The following NCK1 variants were observed in gnomAD, a reference collection of about 807,000 sequenced individuals.
The protein encoded by NCK1 is SH2/SH3 adapter protein NCK1.
A neutral mutation model predicts 36.6 loss-of-function variants in NCK1; 19 were observed. That is an observed-to-expected ratio of 0.52 (90% CI 0.36 to 0.76). The LOEUF (loss-of-function observed/expected upper bound fraction) is 0.76, where lower values mean the gene tolerates loss of function less well. NCK1 is among the 30% of genes least tolerant of loss of function. The probability of loss-of-function intolerance (pLI) is 0.00; values close to 1 mark genes in which losing one functional copy is unlikely to be tolerated. For missense variants in NCK1, 358 were observed against 445.6 expected, an observed-to-expected ratio of 0.80 and a Z score of 1.77; for synonymous variants, 165 against 156.0, an observed-to-expected ratio of 1.06 and a Z score of -0.43.
chr3:136,897,957 A>G (rs1219867746), intron 1 of NCK1, among the ~76,000 whole-genome samples: 1 of 152,208 alleles, frequency 6.6e-6, no homozygotes, highest in African/African-American at 2.4e-5. Flanking sequence ...AGGGATGACT[A>G]AATACTTGAC....
intron 1 of NCK1, among the ~76,000 whole-genome samples, chr3:136,884,306 C>G (rs1939018531): frequency 6.6e-6 from 1 of 152,076 alleles, no homozygotes; most frequent in Non-Finnish European, 1.5e-5. Flanking sequence ...TAGAGCTATC[C>G]CTTGTCATAT....
chr3:136,938,572 GC>G lies in NCK1; in HGVS notation c.227-7006del, dbSNP rs145557340. Among the ~76,000 whole-genome samples the G allele has an allele frequency of 2.0e-5, 3 of 152,158 alleles. No individual in the cohort carries two copies. The East Asian group carries it at 5.8e-4, about 29-fold the overall frequency. On this transcript the variant is annotated intron_variant, in intron 2 of 3. Transcript: ENST00000481752. ...GTTGATGATTTTGCTGTTTAAAATG[GC>G]CCCCAAGCATAGTGATGAAGTGTTG...
chr3:136,923,927 A>G (rs953147629), intron 1 of NCK1, among the ~76,000 whole-genome samples: 1 of 152,216 alleles, frequency 6.6e-6, no homozygotes, highest in African/African-American at 2.4e-5. Context: ...TATATATTCT[A>G]CCTTTTCTGT....
intron 1 of NCK1, among the ~76,000 whole-genome samples, chr3:136,912,875 C>A (rs563833590): frequency 7.3e-6 from 1 of 137,792 alleles, no homozygotes; most frequent in Non-Finnish European, 1.6e-5. Flanking sequence ...TGGTCTTGGT[C>A]TTGATATCCT....
intron 1 of NCK1, among the ~76,000 whole-genome samples, chr3:136,893,146 TAGTG>T (rs1444652995): frequency 3.7e-5 from 3 of 81,764 alleles, no homozygotes; most frequent in African/African-American, 1.4e-4. Flanking sequence ...TAATATTCCA[TAGTG>T]TGTGTGTGTG....
At position 136,928,223 on chromosome 3, in the gene NCK1, C is replaced by A. The variant is rs201444058; in HGVS notation, c.222C>A (p.Thr74=). The change falls in exon 2 of 4, where the codon ACC becomes ACA. Residue 74 remains threonine (T), a synonymous_variant. Transcript: ENST00000481752. ...CTATTGTGAAAAACCTAAAGGATAC[C>A]TTAGGTAAGATATTTTTTAAAAGAA... ...KASIVKNLKD[T]LGIGKVKRKP... 1.7e-5 allele frequency: 27 copies of A among 1,591,668 alleles called. No homozygotes were observed. The highest frequency in any genetic ancestry group is 2.1e-5 in the Non-Finnish European group (25 of 1,172,686).
intron 1 of NCK1, among the ~76,000 whole-genome samples, chr3:136,906,944 A>G (rs1054517627): frequency 6.6e-6 from 1 of 152,124 alleles, no homozygotes; most frequent in Non-Finnish European, 1.5e-5. Flanking sequence ...GCCTGTCCTT[A>G]GGCTCCCCAC....
At chr3:136,890,566 T>C (rs546283570) in intron 1 of NCK1, among the ~76,000 whole-genome samples, 1 of 152,374 alleles carries the variant, frequency 6.6e-6, no homozygotes, top group Non-Finnish European at 1.5e-5. Context: ...CACCTCTCAG[T>C]ACTTCATTCC....
rs1199757759 is a variant in NCK1 at position 136,951,432 on chromosome 3, A to C, written c.*2979A>C. Among the ~76,000 whole-genome samples, 2 of 152,212 alleles carry C rather than the reference A, an allele frequency of 1.3e-5. No individual in the cohort carries two copies. Among genetic ancestry groups the C allele is most frequent in the Non-Finnish European group, 2.9e-5 (2 of 68,010 alleles). On this transcript the variant is annotated 3_prime_UTR_variant, in exon 4 of 4. Transcript: ENST00000481752. ...ACATTTAAAAATCAGGGAGTTTCACATAAAATTCAGACTTCTTGTTTCCCT... is the reference window on the plus strand; with the variant it reads ...ACATTTAAAAATCAGGGAGTTTCACCTAAAATTCAGACTTCTTGTTTCCCT...
intron 1 of NCK1, among the ~76,000 whole-genome samples, chr3:136,868,420 C>T (rs1488290532): frequency 6.6e-6 from 1 of 151,858 alleles, no homozygotes; most frequent in Non-Finnish European, 1.5e-5. Context: ...CTCTGCATCC[C>T]AGGTTCAAGG....
At chr3:136,928,907 G>A (rs1940322194) in intron 2 of NCK1, among the ~76,000 whole-genome samples, 1 of 151,252 alleles carries the variant, frequency 6.6e-6, no homozygotes, top group Admixed American at 6.6e-5. Context: ...TTAGCTGACA[G>A]GAAGGAATTG....
At chr3:136,881,249 T>G (rs984407395) in intron 1 of NCK1, among the ~76,000 whole-genome samples, 32 of 152,278 alleles carry the variant, frequency 2.1e-4, no homozygotes, top group African/African-American at 6.0e-4. Flanking sequence ...AGATGGAGTC[T>G]CACTCTGTCA....
chr3:136,903,755 G>A (rs1439345881), intron 1 of NCK1, among the ~76,000 whole-genome samples: 1 of 120,666 alleles, frequency 8.3e-6, no homozygotes, highest in Non-Finnish European at 1.8e-5. Flanking sequence ...TAAGTGGAAA[G>A]TTTGATCAGT....
chr3:136,880,446 A>T (rs766611009), intron 1 of NCK1, among the ~76,000 whole-genome samples: 5 of 152,132 alleles, frequency 3.3e-5, no homozygotes. Flanking sequence ...GGAGAAGATG[A>T]CTATCTACAA....
chr3:136,866,066 C>G (rs1248908292), intron 1 of NCK1, among the ~76,000 whole-genome samples: 1 of 152,196 alleles, frequency 6.6e-6, no homozygotes, highest in Non-Finnish European at 1.5e-5. Flanking sequence ...TCAAACACAT[C>G]CTTCACTTTT....
At chr3:136,870,183 A>G (rs1938570812) in intron 1 of NCK1, among the ~76,000 whole-genome samples, 1 of 151,896 alleles carries the variant, frequency 6.6e-6, no homozygotes, top group African/African-American at 2.4e-5. Flanking sequence ...CTCTACTAAT[A>G]ATACAAAATT....
intron 1 of NCK1, among the ~76,000 whole-genome samples, chr3:136,917,320 A>T (rs1048631487): frequency 6.6e-6 from 1 of 151,990 alleles, no homozygotes; most frequent in Non-Finnish European, 1.5e-5. Context: ...ATCCAGGGAA[A>T]CCAAAAGATT....
intron 1 of NCK1, among the ~76,000 whole-genome samples, chr3:136,915,530 A>G (rs1004060946): frequency 2.0e-5 from 3 of 152,228 alleles, no homozygotes; most frequent in African/African-American, 7.2e-5. Context: ...GCATAGGCCA[A>G]AATGATAATG....
At chr3:136,863,269 G>T (rs925037280) in intron 1 of NCK1, among the ~76,000 whole-genome samples, 2 of 152,166 alleles carry the variant, frequency 1.3e-5, no homozygotes, top group Non-Finnish European at 2.9e-5. Flanking sequence ...CCCAAAACGG[G>T]TGTTGCCAAA....
Sources: gnomAD v4.1 joint callset for allele counts (sites outside exome capture counted in the v4.1 genomes callset) on GRCh38, gnomAD v4.1.1 for gene constraint, MANE v1.5 for transcripts, NCBI Gene and HGNC (gene_info 2026-07-23, HGNC 2026-07-21) for gene names.